The following XXYLT1 variants were observed in gnomAD, a reference collection of about 807,000 sequenced individuals.
The protein encoded by XXYLT1 is UDP-xylose:alpha-xyloside alpha-1,3-xylosyltransferase.
In XXYLT1, 20 loss-of-function variants were observed where a neutral mutation model predicts 28.9. The ratio of observed to expected loss-of-function variants is 0.69; its 90% CI spans 0.49 to 1.00. The LOEUF (loss-of-function observed/expected upper bound fraction) is 1.00. Among genes scored for constraint, XXYLT1 ranks in the 50% least tolerant of loss-of-function variants. The pLI is 0.00. For missense variants in XXYLT1, 542 were observed against 560.1 expected (o/e 0.97, Z 0.33); for synonymous variants, 257 against 253.8 (o/e 1.01, Z -0.12).
chr3:195,147,447 G>A (rs1451247173), intron 3 of XXYLT1, among the ~76,000 whole-genome samples: 1 of 152,150 alleles, frequency 6.6e-6, no homozygotes, highest in Non-Finnish European at 1.5e-5. Context: ...GTCAGCGCCT[G>A]TAATCTCAGC....
rs1206401251 is a variant in XXYLT1, at chr3:195,256,408, C to T, written c.504+14147G>A. The T allele has an allele frequency of 1.8e-5, 15 of 841,806 alleles. No homozygotes were observed. Among genetic ancestry groups the T allele is most frequent in the South Asian group, 5.4e-5 (1 of 18,360 alleles). The allele number at this position is 841,806 out of a possible 1,614,324, so 52.1% of individuals were successfully genotyped here. On this transcript the variant is annotated intron_variant, in intron 1 of 3. Transcript: ENST00000310380. This position sits in a 1 kb window ranked among gnomAD's most constrained non-coding sequence, Gnocchi z 4.2. ...TTCCAAGTCCCTCGCCCTCATGCTC[C>T]GCGCAGGCCTGAGGTGCGGCCCTGC... is the stretch of plus-strand genomic sequence containing the variant.
chr3:195,262,865 G>GT (rs1359999181), intron 1 of XXYLT1, among the ~76,000 whole-genome samples: 2 of 152,202 alleles, frequency 1.3e-5, no homozygotes, highest in Non-Finnish European at 2.9e-5. Flanking sequence ...GAATGCCACT[G>GT]TTAAATGCAT....
At chr3:195,227,629 A>G (rs1212673020) in intron 1 of XXYLT1, among the ~76,000 whole-genome samples, 1 of 152,138 alleles carries the variant, frequency 6.6e-6, no homozygotes, top group Non-Finnish European at 1.5e-5. Context: ...GGCAGACATC[A>G]CTATTATAGC....
intron 1 of XXYLT1, among the ~76,000 whole-genome samples, chr3:195,253,503 C>CTTT (rs1231480044): frequency 5.4e-5 from 7 of 130,234 alleles, no homozygotes; most frequent in African/African-American, 1.2e-4. Context: ...CTTTTTTTTT[C>CTTT]TTTTTTTTTT....
At chr3:195,223,927 C>A (rs990867140) in intron 2 of XXYLT1, among the ~76,000 whole-genome samples, 1 of 152,120 alleles carries the variant, frequency 6.6e-6, no homozygotes, top group Non-Finnish European at 1.5e-5. Context: ...GAGGCCGAGG[C>A]GGGCGGATCA....
chr3:195,167,808 G>A (rs1295630929), intron 2 of XXYLT1, among the ~76,000 whole-genome samples: 1 of 152,156 alleles, frequency 6.6e-6, no homozygotes, highest in Non-Finnish European at 1.5e-5. Flanking sequence ...AGGCTCCGTG[G>A]TGCCTGAGGC....
At position 195,158,271 on chromosome 3, in the gene XXYLT1, A is replaced by ATGGC. The variant is rs547947407; in HGVS notation, c.653-1694_653-1691dup. 7.9e-5 allele frequency among the ~76,000 whole-genome samples: 12 copies of ATGGC among 152,144 alleles called. No individual in the cohort carries two copies. The South Asian group carries it at 1.9e-3, about 24-fold the overall frequency. Reference sequence around the variant, plus strand: ...TGGCTTCCTGCTCTGTGCTCCCCACATGGCTGTCTGCCTGCCTGTGGTCAT... The same window carrying ATGGC: ...TGGCTTCCTGCTCTGTGCTCCCCACATGGCTGGCTGTCTGCCTGCCTGTGGTCAT... On this transcript the variant is annotated intron_variant, in intron 2 of 3. Transcript: ENST00000310380.
chr3:195,238,666 C>T (rs1334063903), intron 1 of XXYLT1, among the ~76,000 whole-genome samples: 1 of 152,186 alleles, frequency 6.6e-6, no homozygotes, highest in Admixed American at 6.5e-5. Context: ...GTGGAACACA[C>T]ATTGAGCCCG....
intron 2 of XXYLT1, among the ~76,000 whole-genome samples, chr3:195,161,404 G>A (rs1720863308): frequency 6.6e-6 from 1 of 152,090 alleles, no homozygotes; most frequent in African/African-American, 2.4e-5. Flanking sequence ...CACATCAAGG[G>A]TGAAGATAGC....
At chr3:195,220,679 GC>G (rs1157956178) in intron 2 of XXYLT1, among the ~76,000 whole-genome samples, 1 of 152,180 alleles carries the variant, frequency 6.6e-6, no homozygotes, top group African/African-American at 2.4e-5. Flanking sequence ...GCCACTCACA[GC>G]CCCGAGCAGT....
intron 2 of XXYLT1, among the ~76,000 whole-genome samples, chr3:195,161,496 T>C (rs1235701989): frequency 6.6e-6 from 1 of 151,902 alleles, no homozygotes; most frequent in African/African-American, 2.4e-5. Flanking sequence ...CACAAGACCC[T>C]CATCCCCAAG....
chr3:195,110,735 A>T (rs1717630098), intron 3 of XXYLT1, among the ~76,000 whole-genome samples: 1 of 67,782 alleles, frequency 1.5e-5, no homozygotes, highest in Non-Finnish European at 2.8e-5. Flanking sequence ...TGTGTGCTGT[A>T]TGTGTGCATG....
rs1168139156 is a variant in XXYLT1, at chr3:195,133,225, A to G, written c.785+23224T>C. Among the ~76,000 whole-genome samples the G allele has an allele frequency of 6.6e-6, 1 of 152,252 alleles. No homozygotes were observed. Among genetic ancestry groups the G allele is most frequent in the Non-Finnish European group, 1.5e-5 (1 of 68,042 alleles). On this transcript the variant is annotated intron_variant, in intron 3 of 3. Coordinates refer to ENST00000310380, the MANE Select transcript of XXYLT1 (RefSeq NM_152531.5). This position sits in a 1 kb window ranked among gnomAD's most constrained non-coding sequence, Gnocchi z 4.4. ...CAGGTGCCCCGCCTGCTGAGCAGACAGATGGCTGCAAGTCCCAACGCTCTG... is the reference window on the plus strand; with the variant it reads ...CAGGTGCCCCGCCTGCTGAGCAGACGGATGGCTGCAAGTCCCAACGCTCTG...
At chr3:195,149,217 A>G (rs766293919) in intron 3 of XXYLT1, among the ~76,000 whole-genome samples, 20 of 152,372 alleles carry the variant, frequency 1.3e-4, no homozygotes, top group Non-Finnish European at 2.4e-4. Flanking sequence ...ATATACACAC[A>G]CACACCCCCT....
chr3:195,134,767 C>A (rs1353078413), intron 3 of XXYLT1, among the ~76,000 whole-genome samples: 1 of 151,754 alleles, frequency 6.6e-6, no homozygotes, highest in East Asian at 1.9e-4. Context: ...GGAAGCCTGG[C>A]AGAGAGGAAA....
intron 2 of XXYLT1, among the ~76,000 whole-genome samples, chr3:195,181,908 G>A (rs1721970100): frequency 6.6e-6 from 1 of 152,176 alleles, no homozygotes; most frequent in Admixed American, 6.5e-5. Flanking sequence ...GAGAAAGCTG[G>A]TCACCCAAGG....
At chr3:195,247,149 C>T (rs1186936816) in intron 1 of XXYLT1, among the ~76,000 whole-genome samples, 1 of 152,214 alleles carries the variant, frequency 6.6e-6, no homozygotes, top group African/African-American at 2.4e-5. Context: ...TAATGTGTTC[C>T]ACCCCAAAAA....
chr3:195,176,003 A>T lies in XXYLT1; in HGVS notation c.653-19422T>A. On this transcript the variant is annotated intron_variant, in intron 2 of 3. Coordinates refer to ENST00000310380, the MANE Select transcript of XXYLT1 (RefSeq NM_152531.5). The surrounding 1 kb of genome is among the most constrained non-coding windows in gnomAD (Gnocchi z 4.9). ...CAGAGGTCATCAGTGTATACGTAGC[A>T]GCTTAAGTCAAGTAGACACAATCTT... 1 of 960,144 alleles carries T rather than the reference A, an allele frequency of 1.0e-6. No homozygotes were observed. The highest frequency in any genetic ancestry group is 1.3e-6 in the Non-Finnish European group (1 of 745,420). The allele number at this position is 960,144 out of a possible 1,614,324, so 59.5% of individuals were successfully genotyped here.
rs73079469 is a variant in XXYLT1 at position 195,150,525 on chromosome 3, G to A, written c.785+5924C>T. Among the ~76,000 whole-genome samples, 9 of 152,152 alleles carry A rather than the reference G, an allele frequency of 5.9e-5. No individual in the cohort carries two copies. The highest frequency in any genetic ancestry group is 1.2e-4 in the Non-Finnish European group (8 of 68,036). On this transcript the variant is annotated intron_variant, in intron 3 of 3. Coordinates refer to ENST00000310380, the MANE Select transcript of XXYLT1 (RefSeq NM_152531.5). The surrounding 1 kb of genome is among the most constrained non-coding windows in gnomAD (Gnocchi z 4.7). The stretch of plus-strand genomic sequence containing the variant: ...ATGTGACTTAAAAAGGTGAACGAGC[G>A]GACATGATTAAAATACTTAACACAA...
Sources: allele counts gnomAD v4.1 joint callset (sites outside exome capture counted in the v4.1 genomes callset), GRCh38; gene constraint gnomAD v4.1.1; non-coding constraint Gnocchi (gnomAD v3.1); transcripts MANE v1.5; gene names NCBI Gene and HGNC (gene_info 2026-07-23, HGNC 2026-07-21).